Variants in THAP9 observed in about 807,000 individuals in gnomAD.
THAP9 encodes DNA transposase THAP9.
A neutral mutation model predicts 35.7 loss-of-function variants in THAP9; 20 were observed. That is an observed-to-expected ratio of 0.56 (90% CI 0.39 to 0.81). THAP9 has a LOEUF of 0.81. THAP9 is among the 40% of genes least tolerant of loss of function. THAP9 has a pLI of 0.00. For synonymous variants in THAP9, 335 were observed against 373.7 expected (o/e 0.90, Z 1.19); for missense variants, 870 against 1,047.4 (o/e 0.83, Z 2.34).
In THAP9 at chr4:82,918,462, G is replaced by A. The variant is rs140354226; in HGVS notation, c.2250G>A (p.Gly750=). 52 of 1,613,968 alleles carry A rather than the reference G, an allele frequency of 3.2e-5. No individual in the cohort carries two copies. The highest frequency in any genetic ancestry group is 4.2e-5 in the Non-Finnish European group (50 of 1,179,998). The change falls in exon 5 of 5, where the codon GGG becomes GGA. Residue 750 remains glycine (G), a synonymous_variant. Transcript: ENST00000302236. ...YASDLKASKI[G]SLLFVKKKNG... ...CGGATCTCAAAGCCTCTAAAATTGG[G>A]TCACTATTATTTGTTAAAAAGAAGA...
chr4:82,901,058 C>G (rs1013855880), intron 1 of THAP9, 176 bp downstream of exon 1: 20 of 780,402 alleles, frequency 2.6e-5, no homozygotes, highest in Middle Eastern at 4.4e-4. Flanking sequence ...AATTGAGATT[C>G]TCTCTCTTCC....
Position 82,900,828 on chromosome 4 carries a change from G to T in THAP9, c.26G>T (p.Gly9Val). 3 of 1,613,628 alleles carry T rather than the reference G, an allele frequency of 1.9e-6. No individual in the cohort carries two copies. The highest frequency in any genetic ancestry group is 2.5e-6 in the Non-Finnish European group (3 of 1,180,024). The change falls in exon 1 of 5, where the codon GGC becomes GTC. Residue 9 changes from glycine (G) to valine (V), a missense_variant. By Grantham distance (109) the Gly-to-Val change is moderately radical. This residue lies in a region of THAP9 where 440 missense variants were observed against 501.2 expected (regional missense o/e 0.88). Transcript: ENST00000302236. MTRSCSAV[G>V]CSTRDTVLSR... is the part of the protein sequence containing the mutation. ...ATGACCCGAAGTTGCTCCGCAGTGG[G>T]CTGCAGCACCCGTGACACCGTGCTC...
intron 4 of THAP9, among the ~76,000 whole-genome samples, chr4:82,915,239 ATTGTTTTGTT>A (rs6148550): frequency 0.46 from 69,691 of 151,212 alleles, 18,124 homozygotes; most frequent in Admixed American, 0.59. Flanking sequence ...TAAGTATGTT[ATTGTTTTGTT>A]TTGTTTTGTT....
rs1162230259 is a variant in THAP9 at position 82,917,508 on chromosome 4, T to C, written c.1296T>C (p.Ile432=). The C allele has an allele frequency of 6.2e-6, 10 of 1,612,966 alleles. No homozygotes were observed. In the African/African-American group the frequency reaches 1.3e-4, roughly 22 times the overall value. ...IRNAFQNFQS[I]QFINGIAHWQ... ...ATGCATTTCAGAATTTTCAAAGCATTCAGTTTATTAATGGTATAGCACATT... is the reference window on the plus strand; with the variant it reads ...ATGCATTTCAGAATTTTCAAAGCATCCAGTTTATTAATGGTATAGCACATT... Residue 432 remains isoleucine, a synonymous_variant, in exon 5 of 5, where the codon ATT becomes ATC. Coordinates refer to ENST00000302236, the MANE Select transcript of THAP9 (RefSeq NM_024672.6).
rs926751403 is a variant in THAP9 at position 82,901,131 on chromosome 4, G to C, written c.80+249G>C. The C allele has an allele frequency of 2.9e-6, 2 of 686,406 alleles. 1 individual carries two copies. The highest frequency in any genetic ancestry group is 3.0e-5 in the South Asian group (2 of 66,654). The allele number at this position is 686,406 out of a possible 1,614,324, so 42.5% of individuals were successfully genotyped here. Reference sequence around the variant, plus strand: ...CGCCTACCGCTTTAAGGAGAGTTACGCGAAAGGAGTCCTCCATTAATTGGA... The same window carrying C: ...CGCCTACCGCTTTAAGGAGAGTTACCCGAAAGGAGTCCTCCATTAATTGGA... On this transcript the variant is annotated intron_variant, in intron 1 of 4. Coordinates refer to ENST00000302236, the MANE Select transcript of THAP9 (RefSeq NM_024672.6).
chr4:82,908,025 C>T (rs1578448287), intron 4 of THAP9, 90 bp downstream of exon 4: 6 of 1,294,352 alleles, frequency 4.6e-6, no homozygotes, highest in African/African-American at 3.1e-5. Context: ...AGATGTTAAA[C>T]CATATTATTC....
chr4:82,909,054 C>T (rs1293448365), intron 4 of THAP9, among the ~76,000 whole-genome samples: 1 of 151,784 alleles, frequency 6.6e-6, no homozygotes, highest in Non-Finnish European at 1.5e-5. Flanking sequence ...TTACAGGTGT[C>T]CACCACCATA....
At position 82,904,779 on chromosome 4, in the gene THAP9, G is replaced by C. The variant is rs1720574115; in HGVS notation, c.124G>C (p.Val42Leu). ...TIQRSKWIRA[V>L]NRVDPRSKKI... ...ACAGCGCTCAAAATGGATCAGGGCT[G>C]TTAATCGTGTGGACCCCAGAAGCAA... Residue 42 changes from valine to leucine, a missense_variant, in exon 2 of 5, where the codon GTT (valine) becomes CTT (leucine). Around this residue, in one of 3 missense-constraint regions of THAP9, gnomAD observed 440 missense variants for 501.2 expected, o/e 0.88. Transcript: ENST00000302236. 6.2e-7 allele frequency: 1 copy of C among 1,614,030 alleles called. No homozygotes were observed. The highest frequency in any genetic ancestry group is 1.3e-5 in the African/African-American group (1 of 74,928).
intron 4 of THAP9, chr4:82,910,785 C>T (rs1720839159): frequency 6.7e-6 from 3 of 446,880 alleles, no homozygotes; most frequent in African/African-American, 6.0e-5. Flanking sequence ...GAGTAGTCCA[C>T]TATGTCAAAT....
At chr4:82,911,282 GT>G (rs1720855377) in intron 4 of THAP9, among the ~76,000 whole-genome samples, 1 of 135,880 alleles carries the variant, frequency 7.4e-6, no homozygotes, top group African/African-American at 2.5e-5. Flanking sequence ...AGGAAAATGA[GT>G]TTTGTCTTTT....
chr4:82,906,339 C>T lies in THAP9; in HGVS notation c.292C>T (p.His98Tyr). ...TCTGTCATAGATTCCTCAAGGTGTA[C>T]ATCTTAAAGGTAAAGCAAGACAAAA... ...VSLYKIPQGVHLKGKARQKIL... is the reference protein window; with the variant it reads ...VSLYKIPQGVYLKGKARQKIL... Residue 98 changes from histidine to tyrosine, a missense_variant, in exon 3 of 5, where the codon CAT becomes TAT. Coordinates refer to ENST00000302236, the MANE Select transcript of THAP9 (RefSeq NM_024672.6). 1.3e-6 allele frequency: 2 copies of T among 1,592,126 alleles called. No homozygotes were observed. Among genetic ancestry groups the T allele is most frequent in the Non-Finnish European group, 8.5e-7 (1 of 1,169,686 alleles).
At position 82,918,834 on chromosome 4, in the gene THAP9, A is replaced by G; in HGVS notation, c.2622A>G (p.Ser874=). The G allele has an allele frequency of 6.2e-7, 1 of 1,613,722 alleles. No homozygotes were observed. Among genetic ancestry groups the G allele is most frequent in the Non-Finnish European group, 8.5e-7 (1 of 1,179,758 alleles). ...AAACTTTATCAAGGAAACACTGGTCATCTGTACAGGATTATAAATGTTCAA... is the reference window on the plus strand; with the variant it reads ...AAACTTTATCAAGGAAACACTGGTCGTCTGTACAGGATTATAAATGTTCAA... ...DMKTLSRKHW[S]SVQDYKCSSF... Residue 874 remains serine, a synonymous_variant, in exon 5 of 5, where the codon TCA becomes TCG. Transcript: ENST00000302236.
At position 82,918,003 on chromosome 4, in the gene THAP9, G is replaced by A; in HGVS notation, c.1791G>A (p.Met597Ile). ...AAAATTATGTTTTCCCAAAGGTCAT[G>A]CCTTTTCCTTATCTTCTGACTTACA... ...LYQNYVFPKVMPFPYLLTYKF... is the reference protein window; with the variant it reads ...LYQNYVFPKVIPFPYLLTYKF... Residue 597 changes from methionine (M) to isoleucine (I), a missense_variant, in exon 5 of 5, where the codon ATG becomes ATA. Physicochemically the swap from Met to Ile is conservative, Grantham distance 10 (BLOSUM62 1). Around this residue, in one of 3 missense-constraint regions of THAP9, gnomAD observed 414 missense variants for 500.8 expected, o/e 0.83. Coordinates refer to ENST00000302236, the MANE Select transcript of THAP9 (RefSeq NM_024672.6). 1 of 1,613,946 alleles carries A rather than the reference G, an allele frequency of 6.2e-7. No homozygotes were observed. The highest frequency in any genetic ancestry group is 8.5e-7 in the Non-Finnish European group (1 of 1,179,966).
chr4:82,906,581 A>G lies in THAP9; in HGVS notation c.534A>G (p.Lys178=). The G allele has an allele frequency of 6.2e-7, 1 of 1,610,520 alleles. No homozygotes were observed. Among genetic ancestry groups the G allele is most frequent in the Non-Finnish European group, 8.5e-7 (1 of 1,178,236 alleles). Residue 178 remains lysine (K), a synonymous_variant, in exon 3 of 5, where the codon AAA becomes AAG. Coordinates refer to ENST00000302236, the MANE Select transcript of THAP9 (RefSeq NM_024672.6). ...LRLIDALVEE[K]LLSEETECLL... is the part of the protein sequence containing the mutation. Reference sequence around the variant, plus strand: ...TAATTGATGCACTTGTAGAAGAGAAACTACTTTCTGAAGAAACAGAGTGTC... The same window carrying G: ...TAATTGATGCACTTGTAGAAGAGAAGCTACTTTCTGAAGAAACAGAGTGTC...
chr4:82,908,055 T>A, intron 4 of THAP9, 120 bp downstream of exon 4: 1 of 1,081,122 alleles, frequency 9.2e-7, no homozygotes, highest in Non-Finnish European at 1.3e-6. Flanking sequence ...ATTTTACTTA[T>A]TAAGGCTATT....
At chr4:82,906,007 C>A (rs1458821074) in intron 2 of THAP9, 6 of 461,608 alleles carry the variant, frequency 1.3e-5, no homozygotes, top group Non-Finnish European at 2.2e-5. Flanking sequence ...CCTTCATTAA[C>A]CATGTTATTG....
chr4:82,901,150 A>G, intron 1 of THAP9: 1 of 669,912 alleles, frequency 1.5e-6, no homozygotes, highest in Non-Finnish European at 2.7e-6. Flanking sequence ...GTCCTCCATT[A>G]ATTGGATGGT....
rs376810241 is a variant in THAP9 at position 82,919,036 on chromosome 4, A to G, written c.*112A>G. ...ATTCTGCACAGTGGACAAGTTTGCA[A>G]TTCTGACTTATTAAAATTTCAAATT... On this transcript the variant is annotated 3_prime_UTR_variant, in exon 5 of 5. Transcript: ENST00000302236. The G allele has an allele frequency of 2.7e-5, 22 of 824,598 alleles. No homozygotes were observed. Among genetic ancestry groups the G allele is most frequent in the East Asian group, 1.1e-4 (4 of 37,208 alleles). The allele number at this position is 824,598 out of a possible 1,614,324, so 51.1% of individuals were successfully genotyped here.
chr4:82,906,388 A>G lies in THAP9; in HGVS notation c.341A>G (p.Asp114Gly), dbSNP rs375321715. The G allele has an allele frequency of 1.5e-5, 24 of 1,613,264 alleles. No individual in the cohort carries two copies. Among genetic ancestry groups the G allele is most frequent in the Admixed American group, 3.3e-5 (2 of 59,966 alleles). Residue 114 changes from aspartate (D) to glycine (G), a missense_variant, in exon 3 of 5, where the codon GAC (aspartate) becomes GGC (glycine). Asp to Gly is a moderately conservative substitution (Grantham distance 94). Coordinates refer to ENST00000302236, the MANE Select transcript of THAP9 (RefSeq NM_024672.6). ...AAAATCCTAAAACAACCTCTTCCAG[A>G]CAATTCTCAAGAAGTTGCTACTGAG... Reference protein sequence around the residue: ...RQKILKQPLPDNSQEVATEDH... With the variant: ...RQKILKQPLPGNSQEVATEDH...
Sources: allele counts gnomAD v4.1 joint callset (sites outside exome capture counted in the v4.1 genomes callset), GRCh38; gene constraint gnomAD v4.1.1; regional missense constraint gnomAD v4.1.1; transcripts MANE v1.5; gene names NCBI Gene and HGNC (gene_info 2026-07-23, HGNC 2026-07-21).